The following SNX29 variants were observed in gnomAD, a reference collection of about 807,000 sequenced individuals.
SNX29 encodes the protein sorting nexin 29.
SNX29 carries 78 observed loss-of-function variants against 102.1 expected under a neutral mutation model. The observed-to-expected ratio is 0.76, with a 90% CI of 0.64 to 0.92. SNX29 has a LOEUF of 0.92. Ranked by LOEUF, SNX29 falls within the 40% of genes least tolerant of loss-of-function variation. The pLI, the probability that SNX29 is intolerant of heterozygous loss-of-function variation, is 0.00. For synonymous variants in SNX29, 580 were observed against 414.5 expected (o/e 1.40, Z -4.85); for missense variants, 1,280 against 1,061.7 (o/e 1.21, Z -2.86).
At chr16:12,551,043 T>C (rs373200857) in intron 20 of SNX29, among the ~76,000 whole-genome samples, 19 of 152,300 alleles carry the variant, frequency 1.2e-4, no homozygotes, top group African/African-American at 4.3e-4. Context: ...CAAGGTGTCA[T>C]CCAGATGAAG....
chr16:12,422,220 C>G (rs1349382004), intron 18 of SNX29, among the ~76,000 whole-genome samples: 1 of 152,178 alleles, frequency 6.6e-6, no homozygotes, highest in Non-Finnish European at 1.5e-5. Context: ...GCTGTGTGAC[C>G]TTGGGAAGGT....
intron 18 of SNX29, among the ~76,000 whole-genome samples, chr16:12,468,885 G>A (rs1250870670): frequency 2.6e-5 from 4 of 152,194 alleles, no homozygotes; most frequent in East Asian, 1.9e-4. Context: ...CAGTGTCAGC[G>A]GGGTGGGAAG....
chr16:12,127,008 T>G (rs2054240905), intron 12 of SNX29, among the ~76,000 whole-genome samples: 1 of 152,200 alleles, frequency 6.6e-6, no homozygotes, highest in South Asian at 2.1e-4. Context: ...ACATACACTA[T>G]AATTCACTCA....
chr16:12,155,632 T>C (rs1260535597), intron 13 of SNX29, among the ~76,000 whole-genome samples: 2 of 152,144 alleles, frequency 1.3e-5, no homozygotes, highest in East Asian at 3.8e-4. Flanking sequence ...GAGGGCAGAC[T>C]GTGGAGTTGG....
At chr16:12,556,423 A>C (rs992999794) in intron 20 of SNX29, 1 of 152,274 alleles carries the variant, frequency 6.6e-6, no homozygotes, top group Non-Finnish European at 1.5e-5. Context: ...TCAGATGGCT[A>C]CAGATGCTGT....
chr16:12,348,722 A>C (rs1306539592), intron 15 of SNX29, among the ~76,000 whole-genome samples: 5 of 152,178 alleles, frequency 3.3e-5, no homozygotes, highest in Non-Finnish European at 7.4e-5. Context: ...CCACAAACAC[A>C]GGCTGGGGAA....
At chr16:12,408,157 C>CAAAAAAAAAAAAAAAAA (rs1555530421) in intron 18 of SNX29, among the ~76,000 whole-genome samples, 2 of 142,998 alleles carry the variant, frequency 1.4e-5, no homozygotes, top group African/African-American at 5.5e-5. Flanking sequence ...GGACCCTTCT[C>CAAAAAAAAAAAAAAAAA]AAAAAAACAA....
intron 14 of SNX29, among the ~76,000 whole-genome samples, chr16:12,243,522 G>C (rs953846106): frequency 3.3e-5 from 5 of 152,204 alleles, no homozygotes; most frequent in Admixed American, 1.3e-4. Context: ...AGATCCTGCT[G>C]GTTATTCTTG....
At chr16:12,207,282 T>A (rs370570535) in intron 14 of SNX29, among the ~76,000 whole-genome samples, 225 of 152,074 alleles carry the variant, frequency 1.5e-3, no homozygotes, top group African/African-American at 4.9e-3. Flanking sequence ...GGCAGGAGAA[T>A]TGCTTGAACC....
rs148740050 is a variant in SNX29, at chr16:12,521,874, G to T, written c.2179-2828G>T. ...CTTGTCTAAATATCTTCTCTCATTC[G>T]CACATAGCCCGCCTCCTGCCAGGGT... is the stretch of plus-strand genomic sequence containing the variant. On this transcript the variant is annotated intron_variant, in intron 19 of 20. Coordinates refer to ENST00000566228, the MANE Select transcript of SNX29 (RefSeq NM_032167.5). Among the ~76,000 whole-genome samples, 541 of 152,314 alleles carry T rather than the reference G, an allele frequency of 3.6e-3. 6 individuals carry two copies. The highest frequency in any genetic ancestry group is 5.2e-3 in the Non-Finnish European group (355 of 68,036).
At chr16:12,090,311 C>T (rs2052455935) in intron 11 of SNX29, 2 of 152,482 alleles carry the variant, frequency 1.3e-5, no homozygotes, top group South Asian at 4.1e-4. Context: ...TCTCAGCTAC[C>T]TGGAAGCTTT....
chr16:12,382,774 C>T (rs541340174), intron 16 of SNX29, among the ~76,000 whole-genome samples: 1 of 152,256 alleles, frequency 6.6e-6, no homozygotes, highest in African/African-American at 2.4e-5. Context: ...TCGGGTGGCT[C>T]CAGGCATCCC....
chr16:12,199,574 A>ATT (rs112078284), intron 13 of SNX29, 27 bp from the exon 14 acceptor site: 1 of 1,582,564 alleles, frequency 6.3e-7, no homozygotes, highest in African/African-American at 1.4e-5. Context: ...TTAAATATAT[A>ATT]TTTTTTTAAC....
intron 19 of SNX29, among the ~76,000 whole-genome samples, chr16:12,510,846 T>G (rs1202703406): frequency 5.9e-5 from 9 of 152,088 alleles, no homozygotes. Flanking sequence ...AATCATTTGT[T>G]GTGTCCTGCT....
chr16:12,113,820 G>A (rs138032735), intron 11 of SNX29, among the ~76,000 whole-genome samples: 78 of 152,346 alleles, frequency 5.1e-4, no homozygotes, highest in African/African-American at 1.4e-3. Context: ...AACAGATGAC[G>A]AGGACAGCTA....
At chr16:12,313,259 C>G (rs1023230512) in intron 15 of SNX29, among the ~76,000 whole-genome samples, 5 of 152,156 alleles carry the variant, frequency 3.3e-5, no homozygotes, top group African/African-American at 1.2e-4. Flanking sequence ...GATGATCCAC[C>G]TGCCTCGGCC....
chr16:12,086,009 C>CT lies in SNX29; in HGVS notation c.1402+7114dup, dbSNP rs34239419. Among the ~76,000 whole-genome samples the CT allele has an allele frequency of 7.3e-3, 854 of 117,358 alleles. 4 individuals carry two copies. Among genetic ancestry groups the CT allele is most frequent in the East Asian group, 8.4e-3 (34 of 4,032 alleles). 77.0% of individuals were successfully genotyped at this position (117,358 alleles called of 152,430 possible). ...TCCAAAACCTACACTCTTGCCAATT[C>CT]TTTTTTTTTTTTTTTTTTTTGAGAT... On this transcript the variant is annotated intron_variant, in intron 11 of 20. Transcript: ENST00000566228.
intron 16 of SNX29, among the ~76,000 whole-genome samples, chr16:12,392,652 G>A (rs1055501332): frequency 3.3e-5 from 5 of 152,210 alleles, no homozygotes; most frequent in Admixed American, 6.5e-5. Flanking sequence ...TGAGGTTTCA[G>A]TGCTGCCCAG....
intron 15 of SNX29, among the ~76,000 whole-genome samples, chr16:12,321,046 T>C (rs183758220): frequency 6.6e-6 from 1 of 152,260 alleles, no homozygotes; most frequent in Admixed American, 6.5e-5. Flanking sequence ...ACCCTCCTCA[T>C]CTAGCCTCCT....
Sources: gnomAD v4.1 joint callset for allele counts (sites outside exome capture counted in the v4.1 genomes callset) on GRCh38, gnomAD v4.1.1 for gene constraint, MANE v1.5 for transcripts, NCBI Gene and HGNC (gene_info 2026-07-23, HGNC 2026-07-21) for gene names.